The following AJUBA variants were observed in gnomAD, a reference collection of about 807,000 sequenced individuals.
AJUBA encodes ajuba LIM protein.
A neutral mutation model predicts 53.3 loss-of-function variants in AJUBA; 20 were observed. The ratio of observed to expected loss-of-function variants is 0.38; its 90% CI spans 0.26 to 0.55. The LOEUF is 0.55. Ranked by LOEUF, AJUBA falls within the 20% of genes least tolerant of loss-of-function variation. The pLI, the probability that AJUBA is intolerant of heterozygous loss-of-function variation, is 0.80. For missense variants in AJUBA, 580 were observed against 730.5 expected, an observed-to-expected ratio of 0.79 and a Z score of 2.38; for synonymous variants, 296 against 306.2, an observed-to-expected ratio of 0.97 and a Z score of 0.35.
At chr14:22,978,183 A>G (rs992266108) in intron 2 of AJUBA, among the ~76,000 whole-genome samples, 161 bp downstream of exon 2, 3 of 152,208 alleles carry the variant, frequency 2.0e-5, no homozygotes, top group African/African-American at 7.2e-5. Flanking sequence ...GGGAAGCAAG[A>G]GAGGCAGAGC....
intron 2 of AJUBA, 23 bp from the exon 3 acceptor site, chr14:22,976,735 T>C (rs2045040771): frequency 9.3e-6 from 15 of 1,612,472 alleles, no homozygotes; most frequent in Non-Finnish European, 1.3e-5. Context: ...GAGAAGGGGC[T>C]GGAACCTATC....
chr14:22,976,853 G>A (rs889938160), intron 2 of AJUBA, 141 bp from the exon 3 acceptor site: 42 of 1,432,900 alleles, frequency 2.9e-5, no homozygotes, highest in South Asian at 1.7e-4. Flanking sequence ...GTCCTTCCCC[G>A]CACAAAAATT....
intron 1 of AJUBA, chr14:22,980,496 A>T: frequency 1.5e-6 from 1 of 669,128 alleles, no homozygotes; most frequent in Non-Finnish European, 1.8e-6. Context: ...TTATCCATCC[A>T]GAGGTAATGG....
rs1448979936 is a variant in AJUBA, at chr14:22,981,713, C to A, written c.554G>T (p.Gly185Val). 2.0e-6 allele frequency: 3 copies of A among 1,527,464 alleles called. No individual in the cohort carries two copies. Among genetic ancestry groups the A allele is most frequent in the Non-Finnish European group, 2.6e-6 (3 of 1,141,690 alleles). 94.6% of individuals were successfully genotyped at this position (1,527,464 alleles called of 1,614,324 possible). A position where few individuals can be genotyped will look rare whatever the true frequency, so the allele number is the denominator to read the frequency against. ...SPLPAGPCLF[G>V]PPLAGAPAGY... ...TGCCGGTGCTCCGGCCAGGGGTGGG[C>A]CAAACAGGCACGGCCCCGCTGGCAA... The change falls in exon 1 of 8, where the codon GGC (glycine) becomes GTC (valine). Residue 185 changes from glycine (G) to valine (V), a missense_variant. Gly to Val is a moderately radical substitution (Grantham distance 109). Transcript: ENST00000262713.
At chr14:22,974,409 G>C (rs1272902919) in intron 6 of AJUBA, among the ~76,000 whole-genome samples, 2 of 152,192 alleles carry the variant, frequency 1.3e-5, no homozygotes, top group Admixed American at 1.3e-4. Context: ...CCTAAATAAA[G>C]TAGGCTAGGC....
Position 22,981,332 on chromosome 14 carries a change from G to A in AJUBA, c.935C>T (p.Pro312Leu). 6.2e-7 allele frequency: 1 copy of A among 1,613,256 alleles called. No individual in the cohort carries two copies. The highest frequency in any genetic ancestry group is 8.5e-7 in the Non-Finnish European group (1 of 1,179,802). The change falls in exon 1 of 8, where the codon CCA becomes CTA. Residue 312 changes from proline (P) to leucine (L), a missense_variant. Pro to Leu is a moderately conservative substitution (Grantham distance 98). Coordinates refer to ENST00000262713, the MANE Select transcript of AJUBA (RefSeq NM_032876.6). ...SGIEPSGLEE[P>L]PGPFVPEAAR... ...GGCCTCCGGAACGAAAGGACCTGGT[G>A]GCTCCTCCAGACCCGACGGCTCAAT...
In AJUBA at chr14:22,981,815, C is replaced by G. The variant is rs1196763593; in HGVS notation, c.452G>C (p.Gly151Ala). 1 of 1,533,666 alleles carries G rather than the reference C, an allele frequency of 6.5e-7. No individual in the cohort carries two copies. The highest frequency in any genetic ancestry group is 8.7e-7 in the Non-Finnish European group (1 of 1,146,136). Residue 151 changes from glycine (G) to alanine (A), a missense_variant, in exon 1 of 8, where the codon GGA becomes GCA. Physicochemically the swap from Gly to Ala is moderately conservative, Grantham distance 60. Coordinates refer to ENST00000262713, the MANE Select transcript of AJUBA (RefSeq NM_032876.6). The stretch of plus-strand genomic sequence containing the variant: ...GCTGCAGGGCCGGCTACCTCCAGCT[C>G]CGCCAGCCCCCGCCCCGTCCAGCAG... ...SLLLDGAGAG[G>A]AGGSRPCSNR...
In AJUBA at chr14:22,973,140, A is replaced by G. The variant is rs1450574494; in HGVS notation, c.*303T>C. ...AGATCCCATCTCTAAAACAAACAAA[A>G]TATATATACTGAAGATACAGAATCA... On this transcript the variant is annotated 3_prime_UTR_variant, in exon 8 of 8. Coordinates refer to ENST00000262713, the MANE Select transcript of AJUBA (RefSeq NM_032876.6). 2.9e-6 allele frequency: 1 copy of G among 347,492 alleles called. No individual in the cohort carries two copies. Among genetic ancestry groups the G allele is most frequent in the East Asian group, 6.3e-5 (1 of 15,830 alleles). The allele number at this position is 347,492 out of a possible 1,614,324, so 21.5% of individuals were successfully genotyped here. A position where few individuals can be genotyped will look rare whatever the true frequency, so the allele number is the denominator to read the frequency against.
Position 22,978,245 on chromosome 14 carries a change from A to C in AJUBA, c.1108+99T>G. ...GGGATCCAACAGCTGCTCTGTGAGC[A>C]AATGAAGAGGCACAAGCTCTCCTCC... On this transcript the variant is annotated intron_variant, in intron 2 of 7. Coordinates refer to ENST00000262713, the MANE Select transcript of AJUBA (RefSeq NM_032876.6). 3.4e-6 allele frequency: 4 copies of C among 1,173,048 alleles called. No individual in the cohort carries two copies. In the South Asian group the frequency reaches 6.2e-5, roughly 18 times the overall value. The allele number at this position is 1,173,048 out of a possible 1,614,324, so 72.7% of individuals were successfully genotyped here.
chr14:22,981,679 A>G lies in AJUBA; in HGVS notation c.588T>C (p.Ser196=), dbSNP rs1239348176. The G allele has an allele frequency of 1.3e-6, 2 of 1,517,092 alleles. No homozygotes were observed. The highest frequency in any genetic ancestry group is 1.2e-5 in the South Asian group (1 of 80,444). The allele number at this position is 1,517,092 out of a possible 1,614,324, so 94.0% of individuals were successfully genotyped here. A position where few individuals can be genotyped will look rare whatever the true frequency, so the allele number is the denominator to read the frequency against. ...GGTAGGCGGACGGGACCCCTCCGGG[A>G]GAATAGCCTGCCGGTGCTCCGGCCA... ...PPLAGAPAGY[S]PGGVPSAYPE... Residue 196 remains serine (S), a synonymous_variant, in exon 1 of 8, where the codon TCT becomes TCC. Transcript: ENST00000262713.
In AJUBA at chr14:22,982,397, C is replaced by A. The variant is rs2045112565; in HGVS notation, c.-131G>T. On this transcript the variant is annotated 5_prime_UTR_variant, in exon 1 of 8. Coordinates refer to ENST00000262713, the MANE Select transcript of AJUBA (RefSeq NM_032876.6). ...AGGGGAGGCACAGGGGCTTAGCGGGCGGCCTGGATGCCCTGCGCCAGGAAT... is the reference window on the plus strand; with the variant it reads ...AGGGGAGGCACAGGGGCTTAGCGGGAGGCCTGGATGCCCTGCGCCAGGAAT... 7 of 1,472,612 alleles carry A rather than the reference C, an allele frequency of 4.8e-6. No individual in the cohort carries two copies. Among genetic ancestry groups the A allele is most frequent in the African/African-American group, 1.4e-5 (1 of 69,690 alleles). 91.2% of individuals were successfully genotyped at this position (1,472,612 alleles called of 1,614,324 possible).
In AJUBA at chr14:22,973,347, C is replaced by T. The variant is rs2045002246; in HGVS notation, c.*96G>A. 6.6e-7 allele frequency: 1 copy of T among 1,517,718 alleles called. No homozygotes were observed. The highest frequency in any genetic ancestry group is 8.9e-7 in the Non-Finnish European group (1 of 1,123,800). 94.0% of individuals were successfully genotyped at this position (1,517,718 alleles called of 1,614,324 possible). A position where few individuals can be genotyped will look rare whatever the true frequency, so the allele number is the denominator to read the frequency against. On this transcript the variant is annotated 3_prime_UTR_variant, in exon 8 of 8. Transcript: ENST00000262713. ...CTCCCCAGAGGACTCTTCTGCCAGGCCTGCAGAGTGCATTCTTTGCCTTGG... is the reference window on the plus strand; with the variant it reads ...CTCCCCAGAGGACTCTTCTGCCAGGTCTGCAGAGTGCATTCTTTGCCTTGG...
At chr14:22,975,318 C>G in intron 4 of AJUBA, 1 of 557,192 alleles carries the variant, frequency 1.8e-6, no homozygotes, top group South Asian at 2.9e-5. Context: ...TTCACTCTGG[C>G]TGCATATCAG....
chr14:22,974,474 CAT>C (rs549068706), intron 6 of AJUBA, among the ~76,000 whole-genome samples: 99 of 152,300 alleles, frequency 6.5e-4, no homozygotes, highest in Non-Finnish European at 1.1e-3. Flanking sequence ...GGTTTCTCTC[CAT>C]AGGCACATCC....
rs368196463 is a variant in AJUBA at position 22,982,158 on chromosome 14, G to T, written c.109C>A (p.Arg37Ser). Residue 37 changes from arginine to serine, a missense_variant, in exon 1 of 8, where the codon CGC becomes AGC. By Grantham distance (110) the Arg-to-Ser change is moderately radical. Transcript: ENST00000262713. ...SDGTPGPGKG[R>S]LSGLGGPRKS... ...CTAGGTCCCCCCAACCCACTTAGGC[G>T]CCCCTTGCCCGGCCCGGGGGTCCCG... 73 of 1,611,666 alleles carry T rather than the reference G, an allele frequency of 4.5e-5. No individual in the cohort carries two copies. The highest frequency in any genetic ancestry group is 5.9e-5 in the Non-Finnish European group (70 of 1,179,054).
At chr14:22,977,163 C>T (rs2045045072) in intron 2 of AJUBA, 3 of 996,636 alleles carry the variant, frequency 3.0e-6, no homozygotes, top group Admixed American at 5.6e-5. Flanking sequence ...CATATCTATC[C>T]TGCTCTCAAA....
chr14:22,981,508 C>T lies in AJUBA; in HGVS notation c.759G>A (p.Glu253=), dbSNP rs771082927. 6.3e-7 allele frequency: 1 copy of T among 1,585,740 alleles called. No homozygotes were observed. ...GTCGTCCGGGTTGCGCCCCCCGTCT[C>T]TCCAAGGGCCCCGCCGCTCCCACTC... ...GAGVGAAGPL[E]RRGAQPGRHS... is the part of the protein sequence containing the mutation. Residue 253 remains glutamate, a synonymous_variant, in exon 1 of 8, where the codon GAG becomes GAA. Transcript: ENST00000262713.
At position 22,981,519 on chromosome 14, in the gene AJUBA, C is replaced by G; in HGVS notation, c.748G>C (p.Gly250Arg). The G allele has an allele frequency of 6.3e-7, 1 of 1,593,038 alleles. No individual in the cohort carries two copies. Among genetic ancestry groups the G allele is most frequent in the Non-Finnish European group, 8.5e-7 (1 of 1,172,876 alleles). ...ALAGAGVGAA[G>R]PLERRGAQPG... Reference sequence around the variant, plus strand: ...TGCGCCCCCCGTCTCTCCAAGGGCCCCGCCGCTCCCACTCCGGCCCCGGCT... The same window carrying G: ...TGCGCCCCCCGTCTCTCCAAGGGCCGCGCCGCTCCCACTCCGGCCCCGGCT... Residue 250 changes from glycine to arginine, a missense_variant, in exon 1 of 8, where the codon GGG becomes CGG. Around this residue, in one of 2 missense-constraint regions of AJUBA, gnomAD observed 430 missense variants for 471.5 expected, o/e 0.91. Coordinates refer to ENST00000262713, the MANE Select transcript of AJUBA (RefSeq NM_032876.6).
chr14:22,976,435 A>T, intron 4 of AJUBA, 21 bp downstream of exon 4: 1 of 1,612,746 alleles, frequency 6.2e-7, no homozygotes, highest in Non-Finnish European at 8.5e-7. Context: ...GAGACTTCTC[A>T]GCTGAAAGCA....
Sources: allele counts gnomAD v4.1 joint callset (sites outside exome capture counted in the v4.1 genomes callset), GRCh38; gene constraint gnomAD v4.1.1; regional missense constraint gnomAD v4.1.1; transcripts MANE v1.5; gene names NCBI Gene and HGNC (gene_info 2026-07-23, HGNC 2026-07-21).